The following KIAA1217 variants were observed in gnomAD, a reference collection of about 807,000 sequenced individuals.
KIAA1217 encodes sickle tail protein homolog.
A neutral mutation model predicts 163.9 loss-of-function variants in KIAA1217; 88 were observed. The observed-to-expected ratio is 0.54, with a 90% CI of 0.45 to 0.64. The LOEUF is 0.64. Ranked by LOEUF, KIAA1217 falls within the 30% of genes least tolerant of loss-of-function variation. The pLI is 0.00. For synonymous variants in KIAA1217, 903 were observed against 923.1 expected (o/e 0.98, Z 0.39); for missense variants, 2,372 against 2,475.0 (o/e 0.96, Z 0.88).
At chr10:23,894,970 C>T (rs148294789) in intron 1 of KIAA1217, among the ~76,000 whole-genome samples, 1,677 of 152,218 alleles carry the variant, frequency 0.011, 33 homozygotes, top group African/African-American at 0.038. Context: ...CCCTTCCTTA[C>T]ACCTGATACA....
intron 2 of KIAA1217, among the ~76,000 whole-genome samples, chr10:24,317,259 C>T (rs1337784106): frequency 2.0e-5 from 3 of 151,990 alleles, no homozygotes; most frequent in African/African-American, 7.2e-5. Context: ...CTTTTGTCCG[C>T]ATTTAATTTT....
intron 2 of KIAA1217, among the ~76,000 whole-genome samples, chr10:24,293,033 T>C (rs1295568527): frequency 1.3e-5 from 2 of 151,976 alleles, no homozygotes; most frequent in Non-Finnish European, 2.9e-5. Context: ...CGGGAAGTTG[T>C]TTTTTGTTTT....
chr10:23,962,701 C>T (rs1844869062), intron 1 of KIAA1217, among the ~76,000 whole-genome samples: 1 of 152,130 alleles, frequency 6.6e-6, no homozygotes. Flanking sequence ...ATTACTTTGC[C>T]CACACAGAAC....
At chr10:23,902,396 G>T (rs1482822430) in intron 1 of KIAA1217, among the ~76,000 whole-genome samples, 1 of 151,992 alleles carries the variant, frequency 6.6e-6, no homozygotes, top group East Asian at 1.9e-4. Context: ...TAATCTCAGG[G>T]ACATGGAGCA....
At chr10:24,087,891 T>A (rs1033452900) in intron 2 of KIAA1217, among the ~76,000 whole-genome samples, 1 of 151,994 alleles carries the variant, frequency 6.6e-6, no homozygotes, top group Non-Finnish European at 1.5e-5. Flanking sequence ...GGATTTTCTC[T>A]TTATGCCAGA....
rs543766541 is a variant in KIAA1217 at position 24,158,097 on chromosome 10, A to C, written c.-170-61529A>C. Reference sequence around the variant, plus strand: ...CATAAAGATAAAAGTGGCGCTCCACAAGTTAGAAGTATATATGATGACATT... The same window carrying C: ...CATAAAGATAAAAGTGGCGCTCCACCAGTTAGAAGTATATATGATGACATT... On this transcript the variant is annotated intron_variant, in intron 2 of 18. Transcript: ENST00000376462. 2.6e-5 allele frequency: 20 copies of C among 755,106 alleles called. No individual in the cohort carries two copies. The East Asian group carries it at 4.4e-4, about 17-fold the overall frequency. The allele number at this position is 755,106 out of a possible 1,614,324, so 46.8% of individuals were successfully genotyped here.
chr10:23,930,332 A>G (rs1843207514), intron 1 of KIAA1217, among the ~76,000 whole-genome samples: 1 of 152,138 alleles, frequency 6.6e-6, no homozygotes, highest in South Asian at 2.1e-4. Flanking sequence ...GAAAAATGTC[A>G]ACCTTCTATA....
intron 2 of KIAA1217, among the ~76,000 whole-genome samples, chr10:24,067,797 C>T (rs987721806): frequency 3.4e-4 from 52 of 152,224 alleles, no homozygotes; most frequent in African/African-American, 5.8e-4. Flanking sequence ...CCACCCAGTT[C>T]GAGCTTCCTG....
chr10:24,032,697 A>G (rs2131540859), intron 2 of KIAA1217, among the ~76,000 whole-genome samples: 1 of 152,318 alleles, frequency 6.6e-6, no homozygotes, highest in South Asian at 2.1e-4. Context: ...AAATCTGAAT[A>G]TATATTACTG....
Position 23,893,941 on chromosome 10 carries a change from C to G in KIAA1217, c.-320-113284C>G, listed in dbSNP as rs11013772. 3.7e-3 allele frequency among the ~76,000 whole-genome samples: 555 copies of G among 150,516 alleles called. 7 individuals carry two copies. Among genetic ancestry groups the G allele is most frequent in the African/African-American group, 0.011 (467 of 41,026 alleles). On this transcript the variant is annotated intron_variant, in intron 1 of 18. Coordinates refer to the KIAA1217 transcript ENST00000376462. ...AAGGCCTTTGACAAAATTCAACAAC[C>G]CTTCATGCTAAAAACTCTCAATAAA...
intron 2 of KIAA1217, among the ~76,000 whole-genome samples, chr10:24,191,395 T>C (rs2066712353): frequency 6.6e-6 from 1 of 152,134 alleles, no homozygotes; most frequent in Admixed American, 6.5e-5. Flanking sequence ...GACATACTAT[T>C]TGATAGTACA....
intron 1 of KIAA1217, among the ~76,000 whole-genome samples, chr10:23,996,770 T>C (rs1846505620): frequency 6.6e-6 from 1 of 152,178 alleles, no homozygotes; most frequent in Non-Finnish European, 1.5e-5. Context: ...CTTTGATCTT[T>C]ATTGTTTTTA....
chr10:24,381,138 A>G (rs1591466051), intron 3 of KIAA1217, 71 bp downstream of exon 3: 4 of 1,094,402 alleles, frequency 3.7e-6, no homozygotes, highest in African/African-American at 3.2e-5. Flanking sequence ...TACTGAACCT[A>G]TACTCTTTCA....
intron 2 of KIAA1217, among the ~76,000 whole-genome samples, chr10:24,145,852 C>A (rs1189708989): frequency 6.6e-6 from 1 of 152,236 alleles, no homozygotes; most frequent in East Asian, 1.9e-4. Context: ...ACAATCAAGT[C>A]CTTCTACTCT....
intron 2 of KIAA1217, among the ~76,000 whole-genome samples, chr10:24,323,587 C>A (rs780052253): frequency 6.6e-6 from 1 of 152,120 alleles, no homozygotes; most frequent in East Asian, 1.9e-4. Flanking sequence ...ATTTGTGAAG[C>A]GCAGTTTGCA....
At chr10:24,381,543 T>C (rs190102696) in intron 3 of KIAA1217, among the ~76,000 whole-genome samples, 1 of 152,314 alleles carries the variant, frequency 6.6e-6, no homozygotes, top group African/African-American at 2.4e-5. Flanking sequence ...GAGTGAGGGA[T>C]CTAGGTTGCA....
chr10:24,530,752 G>T (rs1025312384), intron 14 of KIAA1217, among the ~76,000 whole-genome samples: 1 of 152,100 alleles, frequency 6.6e-6, no homozygotes, highest in Non-Finnish European at 1.5e-5. Context: ...TAAAAAATCC[G>T]CTGGGCATGG....
intron 9 of KIAA1217, among the ~76,000 whole-genome samples, chr10:24,505,883 C>T (rs1186638687): frequency 6.6e-6 from 1 of 152,046 alleles, no homozygotes; most frequent in African/African-American, 2.4e-5. Flanking sequence ...TATGAGATGG[C>T]GCCTCGTGGA....
chr10:23,842,715 A>G (rs1207130919), intron 1 of KIAA1217, among the ~76,000 whole-genome samples: 1 of 152,056 alleles, frequency 6.6e-6, no homozygotes, highest in Non-Finnish European at 1.5e-5. Context: ...TTTGGGGTTC[A>G]AGAAGGAATT....
Sources: allele counts gnomAD v4.1 joint callset (sites outside exome capture counted in the v4.1 genomes callset), GRCh38; gene constraint gnomAD v4.1.1; transcripts MANE v1.5; gene names NCBI Gene and HGNC (gene_info 2026-07-23, HGNC 2026-07-21).